KIF17: variants seen among roughly 807,000 people sequenced by gnomAD.
KIF17 encodes the protein kinesin-like protein KIF17.
KIF17 carries 80 observed loss-of-function variants against 96.8 expected under a neutral mutation model. The ratio of observed to expected loss-of-function variants is 0.83; its 90% CI spans 0.69 to 1.00. The LOEUF (loss-of-function observed/expected upper bound fraction) is 1.00. Ranked by LOEUF, KIF17 falls within the 50% of genes least tolerant of loss-of-function variation. The pLI is 0.00. For synonymous variants in KIF17, 567 were observed against 587.5 expected, an observed-to-expected ratio of 0.97 and a Z score of 0.51; for missense variants, 1,280 against 1,372.9, an observed-to-expected ratio of 0.93 and a Z score of 1.07.
rs369303863 is a variant in KIF17 at position 20,696,546 on chromosome 1, C to T, written c.1233+1833G>A. Among the ~76,000 whole-genome samples, 90 of 152,182 alleles carry T rather than the reference C, an allele frequency of 5.9e-4. 2 individuals are homozygous for T. The South Asian group carries it at 0.018, about 30-fold the overall frequency. The stretch of plus-strand genomic sequence containing the variant: ...TCCCCAGGGCAGAAGGCACCCCCAT[C>T]CGTGGCACTCCAGGGACCCGCCAGG... On this transcript the variant is annotated intron_variant, in intron 6 of 14. Coordinates refer to ENST00000400463, the MANE Select transcript of KIF17 (RefSeq NM_001122819.3).
intron 6 of KIF17, chr1:20,692,870 T>A (rs896331804): frequency 6.6e-6 from 1 of 151,670 alleles, no homozygotes; most frequent in Non-Finnish European, 1.5e-5. Flanking sequence ...ACCTCCCAGG[T>A]TGCAGCAATT....
Position 20,687,473 on chromosome 1 carries a change from T to G in KIF17, c.1853A>C (p.Glu618Ala). 1 of 1,613,928 alleles carries G rather than the reference T, an allele frequency of 6.2e-7. No individual in the cohort carries two copies. ...GLLGLQDPFA[E>A]VEAKLARLSS... The stretch of plus-strand genomic sequence containing the variant: ...GAGTCTGGCCAGCTTGGCTTCCACC[T>G]CGGCAAACGGGTCCTGCAGGCCTAG... The change falls in exon 8 of 15, where the codon GAG (glutamate) becomes GCG (alanine). Residue 618 changes from glutamate to alanine, a missense_variant. Coordinates refer to ENST00000400463, the MANE Select transcript of KIF17 (RefSeq NM_001122819.3). The surrounding 1 kb of genome is among the most constrained non-coding windows in gnomAD (Gnocchi z 4.4).
In KIF17 at chr1:20,672,272, G is replaced by A. The variant is rs558860028; in HGVS notation, c.2464-76C>T. ...CATCTAACCACCCTGTCCACTCACT[G>A]TCCTGCCAGCAGCCACGCATCGTCT... On this transcript the variant is annotated intron_variant, in intron 11 of 14. Coordinates refer to ENST00000400463, the MANE Select transcript of KIF17 (RefSeq NM_001122819.3). This position sits in a 1 kb window ranked among gnomAD's most constrained non-coding sequence, Gnocchi z 4.3. The A allele has an allele frequency of 7.5e-4, 1,183 of 1,574,466 alleles. 2 individuals are homozygous for A. The highest frequency in any genetic ancestry group is 8.2e-4 in the Non-Finnish European group (953 of 1,159,278).
rs912638418 is a variant in KIF17 at position 20,708,695 on chromosome 1, G to C, written c.670+944C>G. Among the ~76,000 whole-genome samples, 12 of 152,278 alleles carry C rather than the reference G, an allele frequency of 7.9e-5. No homozygotes were observed. In the East Asian group the frequency reaches 2.3e-3, roughly 29 times the overall value. On this transcript the variant is annotated intron_variant, in intron 4 of 14. Coordinates refer to ENST00000400463, the MANE Select transcript of KIF17 (RefSeq NM_001122819.3). ...CAAGCAAATCACTTTACCTCTCAGA[G>C]CCTCTGTTTCCTCGTCTATAAAATG...
Position 20,678,303 on chromosome 1 carries a change from A to G in KIF17, c.2463+4350T>C, listed in dbSNP as rs535183398. 3.3e-5 allele frequency among the ~76,000 whole-genome samples: 5 copies of G among 152,318 alleles called. No homozygotes were observed. In the South Asian group the frequency reaches 1.0e-3, roughly 32 times the overall value. ...TATCTCCCACTGGGTCCCTCCCACA[A>G]CACATGAGAATTATGGGAGCTATAA... On this transcript the variant is annotated intron_variant, in intron 11 of 14. Transcript: ENST00000400463.
intron 11 of KIF17, among the ~76,000 whole-genome samples, chr1:20,680,688 C>CA (rs2053814566): frequency 6.7e-6 from 1 of 149,726 alleles, no homozygotes; most frequent in African/African-American, 2.5e-5. Context: ...TAGAAAGGGA[C>CA]AAAAAAATCA....
In KIF17 at chr1:20,670,438, T is replaced by C. The variant is rs1242421094; in HGVS notation, c.2773A>G (p.Asn925Asp). Reference protein sequence around the residue: ...KPARKTSAADNGEPNMEDDRY... With the variant: ...KPARKTSAADDGEPNMEDDRY... ...GTCCTCACCATGTTCGGCTCGCCAT[T>C]GTCTGCTGCAGAGGTTTTGCGGGCT... The change falls in exon 13 of 15, where the codon AAT becomes GAT. Residue 925 changes from asparagine to aspartate, a missense_variant. Physicochemically the swap from Asn to Asp is conservative, Grantham distance 23. Transcript: ENST00000400463. 3 of 1,613,848 alleles carry C rather than the reference T, an allele frequency of 1.9e-6. No individual in the cohort carries two copies. Among genetic ancestry groups the C allele is most frequent in the East Asian group, 4.5e-5 (2 of 44,898 alleles).
At chr1:20,714,157 C>T (rs555701062) in intron 2 of KIF17, among the ~76,000 whole-genome samples, 3 of 152,182 alleles carry the variant, frequency 2.0e-5, no homozygotes, top group East Asian at 1.9e-4. Flanking sequence ...GAAACCCTGT[C>T]GCTACTAAAA....
At chr1:20,697,499 T>C (rs1345424046) in intron 6 of KIF17, among the ~76,000 whole-genome samples, 1 of 152,120 alleles carries the variant, frequency 6.6e-6, no homozygotes, top group African/African-American at 2.4e-5. Context: ...CCCAGCTACT[T>C]GGGAAGCTGA....
At chr1:20,708,483 C>A (rs780256730) in intron 4 of KIF17, among the ~76,000 whole-genome samples, 2 of 152,180 alleles carry the variant, frequency 1.3e-5, no homozygotes, top group African/African-American at 4.8e-5. Flanking sequence ...ATCCCTGGGT[C>A]AGGGATCTCT....
In KIF17 at chr1:20,717,780, G is replaced by A. The variant is rs2054609570; in HGVS notation, c.-74C>T. ...GGGGACTCCCAGCAGCCCGGGCCAA[G>A]GGGCGGGGCCAGCGCCGGCCACGGG... On this transcript the variant is annotated 5_prime_UTR_variant, in exon 1 of 15. Transcript: ENST00000400463. 7.0e-7 allele frequency: 1 copy of A among 1,432,414 alleles called. No homozygotes were observed. The highest frequency in any genetic ancestry group is 1.5e-5 in the African/African-American group (1 of 66,530). The allele number at this position is 1,432,414 out of a possible 1,614,324, so 88.7% of individuals were successfully genotyped here.
chr1:20,695,136 ACG>A (rs1491367385), intron 6 of KIF17, among the ~76,000 whole-genome samples: 59 of 147,586 alleles, frequency 4.0e-4, no homozygotes, highest in South Asian at 2.6e-3. Flanking sequence ...ACGCACACAC[ACG>A]CACACACACA....
At chr1:20,678,643 C>T (rs1351779945) in intron 11 of KIF17, among the ~76,000 whole-genome samples, 3 of 152,062 alleles carry the variant, frequency 2.0e-5, no homozygotes, top group Non-Finnish European at 2.9e-5. Flanking sequence ...CAGACAGCCC[C>T]GGAGCCACCC....
At chr1:20,662,841 C>T (rs1348413961), downstream of KIF17, among the ~76,000 whole-genome samples, 1 of 152,208 alleles carries the variant, frequency 6.6e-6, no homozygotes, top group Non-Finnish European at 1.5e-5. Flanking sequence ...CTCCTTACAC[C>T]CCCATCTTAA....
At chr1:20,697,912 CCA>C (rs1324296035) in intron 6 of KIF17, among the ~76,000 whole-genome samples, 1 of 152,216 alleles carries the variant, frequency 6.6e-6, no homozygotes, top group Non-Finnish European at 1.5e-5. Context: ...GAGGCCAACA[CCA>C]CACTCACCCG....
intron 6 of KIF17, among the ~76,000 whole-genome samples, chr1:20,691,106 G>A (rs1004622043): frequency 2.6e-5 from 4 of 151,810 alleles, no homozygotes; most frequent in African/African-American, 9.7e-5. Flanking sequence ...AGACCAGCCT[G>A]GCCAACATGG....
In KIF17 at chr1:20,685,303, C is replaced by A. The variant is rs2053917806; in HGVS notation, c.2020-283G>T. Reference sequence around the variant, plus strand: ...GCCAGGGCCATCTTAAAATAGAAACCGATCACATCCCGTTCCCGATGAGCC... The same window carrying A: ...GCCAGGGCCATCTTAAAATAGAAACAGATCACATCCCGTTCCCGATGAGCC... On this transcript the variant is annotated intron_variant, in intron 9 of 14. Transcript: ENST00000400463. The surrounding 1 kb of genome is among the most constrained non-coding windows in gnomAD (Gnocchi z 4.1). 3 of 624,274 alleles carry A rather than the reference C, an allele frequency of 4.8e-6. No homozygotes were observed. Among genetic ancestry groups the A allele is most frequent in the Non-Finnish European group, 3.0e-6 (1 of 334,618 alleles). The allele number at this position is 624,274 out of a possible 1,614,324, so 38.7% of individuals were successfully genotyped here.
intron 11 of KIF17, among the ~76,000 whole-genome samples, chr1:20,675,158 A>G (rs1377005361): frequency 6.7e-6 from 1 of 149,918 alleles, no homozygotes; most frequent in African/African-American, 2.5e-5. Flanking sequence ...CTCAAAAAAA[A>G]AAAAAAGGGC....
rs188121614 is a variant in KIF17 at position 20,714,669 on chromosome 1, C to T, written c.378+824G>A. Among the ~76,000 whole-genome samples the T allele has an allele frequency of 1.2e-3, 176 of 151,244 alleles. 1 individual carries two copies. Among genetic ancestry groups the T allele is most frequent in the African/African-American group, 4.1e-3 (167 of 41,146 alleles). On this transcript the variant is annotated intron_variant, in intron 2 of 14. Transcript: ENST00000400463. ...AAAATTAGCCAGGTGTGGTGATGGGCGCCTGTAATCCCAGCTACTCGGGAA... is the reference window on the plus strand; with the variant it reads ...AAAATTAGCCAGGTGTGGTGATGGGTGCCTGTAATCCCAGCTACTCGGGAA...
Sources: allele counts gnomAD v4.1 joint callset (sites outside exome capture counted in the v4.1 genomes callset), GRCh38; gene constraint gnomAD v4.1.1; non-coding constraint Gnocchi (gnomAD v3.1); transcripts MANE v1.5; gene names NCBI Gene and HGNC (gene_info 2026-07-23, HGNC 2026-07-21).